Variants in CTNNA2 observed in about 807,000 individuals in gnomAD.
The protein encoded by CTNNA2 is catenin alpha-2.
In CTNNA2, 42 loss-of-function variants were observed where a neutral mutation model predicts 101.0. The ratio of observed to expected loss-of-function variants is 0.42; its 90% CI spans 0.32 to 0.54. The LOEUF (loss-of-function observed/expected upper bound fraction) is 0.54. Among genes scored for constraint, CTNNA2 ranks in the 20% least tolerant of loss-of-function variants. The pLI is 0.14. For synonymous variants in CTNNA2, 450 were observed against 456.4 expected (o/e 0.99, Z 0.18); for missense variants, 871 against 1,223.1 (o/e 0.71, Z 4.29).
chr2:80,647,018 C>T (rs1201226411), intron 18 of CTNNA2, among the ~76,000 whole-genome samples: 1 of 152,082 alleles, frequency 6.6e-6, no homozygotes, highest in Non-Finnish European at 1.5e-5. Context: ...GAGAAGGTCT[C>T]ACTGAATGCT....
Position 79,301,310 on chromosome 2 carries a change from G to GAT in CTNNA2, c.-405-11389_-405-11388dup, listed in dbSNP as rs148339882. On this transcript the variant is annotated intron_variant, in intron 2 of 21. Transcript: ENST00000466387. ...ATTTGCCACCCCTGGCATAGAATCTGATATATATATAACACAGTTTACAGA... is the reference window on the plus strand; with the variant it reads ...ATTTGCCACCCCTGGCATAGAATCTGATATATATATATAACACAGTTTACAGA... Among the ~76,000 whole-genome samples the GAT allele has an allele frequency of 1.1e-3, 172 of 152,172 alleles. 2 individuals carry two copies. In the East Asian group the frequency reaches 0.027, roughly 24 times the overall value.
chr2:79,746,599 T>G (rs1470393003), intron 3 of CTNNA2, among the ~76,000 whole-genome samples: 1 of 152,212 alleles, frequency 6.6e-6, no homozygotes, highest in Non-Finnish European at 1.5e-5. Flanking sequence ...TAGTCTATTG[T>G]AAAGTTTCCT....
chr2:80,177,266 G>A (rs181003666), intron 7 of CTNNA2, among the ~76,000 whole-genome samples: 10 of 152,260 alleles, frequency 6.6e-5, no homozygotes, highest in Admixed American at 2.0e-4. Context: ...GTGAGTCCAT[G>A]GATGGTAGTC....
rs12621530 is a variant in CTNNA2, at chr2:79,291,478, G to T, written c.-405-21231G>T. Among the ~76,000 whole-genome samples, 1,184 of 152,176 alleles carry T rather than the reference G, an allele frequency of 7.8e-3. 17 individuals carry two copies. The highest frequency in any genetic ancestry group is 0.063 in the East Asian group (325 of 5,176). On this transcript the variant is annotated intron_variant, in intron 2 of 21. Coordinates refer to the CTNNA2 transcript ENST00000466387. ...ATAACAGATAATCATTACTTATTTG[G>T]TATTTGGACCCCAAATTGCCAGGCA...
intron 18 of CTNNA2, among the ~76,000 whole-genome samples, chr2:80,639,699 T>C (rs1049723554): frequency 4.6e-5 from 7 of 152,234 alleles, no homozygotes; most frequent in African/African-American, 1.7e-4. Flanking sequence ...TTCTCCTTAA[T>C]GATTTCATTA....
chr2:80,099,265 G>T lies in CTNNA2; in HGVS notation c.1056+189468G>T, dbSNP rs1418849918. On this transcript the variant is annotated intron_variant, in intron 7 of 18. Coordinates refer to ENST00000402739, the MANE Select transcript of CTNNA2 (RefSeq NM_001282597.3). ...ACCAGTTTTACCATTTACTAGCTGA[G>T]TTTTTAGTAGCTTAGTTTTCTGGAC... is the stretch of plus-strand genomic sequence containing the variant. Among the ~76,000 whole-genome samples the T allele has an allele frequency of 2.6e-5, 4 of 151,998 alleles. No homozygotes were observed. In the East Asian group the frequency reaches 7.8e-4, roughly 29 times the overall value.
chr2:79,768,345 G>A (rs1039469641), intron 3 of CTNNA2, among the ~76,000 whole-genome samples: 5 of 151,098 alleles, frequency 3.3e-5, no homozygotes, highest in Non-Finnish European at 7.4e-5. Context: ...GATTGAAGGA[G>A]GCACTGTCTT....
At chr2:80,131,724 A>G (rs1182043819) in intron 7 of CTNNA2, among the ~76,000 whole-genome samples, 3 of 152,116 alleles carry the variant, frequency 2.0e-5, no homozygotes, top group African/African-American at 7.2e-5. Flanking sequence ...TTGTACATAC[A>G]TTCTCTCACA....
intron 9 of CTNNA2, among the ~76,000 whole-genome samples, chr2:80,451,407 G>T (rs1042025293): frequency 6.6e-6 from 1 of 152,040 alleles, no homozygotes; most frequent in African/African-American, 2.4e-5. Context: ...CTGCCATGAT[G>T]GTAAGTTTCC....
intron 2 of CTNNA2, among the ~76,000 whole-genome samples, chr2:79,253,341 T>G (rs1254762414): frequency 2.6e-5 from 4 of 152,210 alleles, no homozygotes; most frequent in Non-Finnish European, 5.9e-5. Context: ...CACAGGATTT[T>G]TATGTATTTG....
At chr2:79,990,580 A>G (rs1408086510) in intron 7 of CTNNA2, among the ~76,000 whole-genome samples, 5 of 152,222 alleles carry the variant, frequency 3.3e-5, no homozygotes, top group Admixed American at 3.3e-4. Context: ...ATAGGTATAA[A>G]TAATAGTAAA....
At chr2:79,857,763 C>T (rs999276399) in intron 3 of CTNNA2, among the ~76,000 whole-genome samples, 4 of 152,122 alleles carry the variant, frequency 2.6e-5, no homozygotes, top group African/African-American at 9.7e-5. Context: ...AAATATACTC[C>T]TTATTGATGT....
chr2:79,866,989 T>C (rs1039982368), intron 4 of CTNNA2, among the ~76,000 whole-genome samples: 3 of 152,160 alleles, frequency 2.0e-5, no homozygotes, highest in African/African-American at 4.8e-5. Context: ...TCTGACCTCA[T>C]AGCCCTCCTC....
chr2:80,190,040 T>G (rs952838766), intron 7 of CTNNA2, among the ~76,000 whole-genome samples: 1 of 152,040 alleles, frequency 6.6e-6, no homozygotes, highest in Non-Finnish European at 1.5e-5. Flanking sequence ...CTGATGCCTT[T>G]AAGGTCTGGT....
intron 3 of CTNNA2, among the ~76,000 whole-genome samples, chr2:79,759,833 C>T (rs535813557): frequency 1.5e-4 from 23 of 152,280 alleles, no homozygotes; most frequent in Admixed American, 1.4e-3. Context: ...AGCCCAAATA[C>T]AGCCTCTCTC....
rs1670740031 is a variant in CTNNA2, at chr2:79,734,653, G to A, written c.103-9734G>A. On this transcript the variant is annotated intron_variant, in intron 2 of 18. Coordinates refer to ENST00000402739, the MANE Select transcript of CTNNA2 (RefSeq NM_001282597.3). ...ATGCTTTTAAGAAAGCAAGATGAAT[G>A]TAGCACAAATAAGAGCCAGGATTGA... 2.0e-5 allele frequency among the ~76,000 whole-genome samples: 3 copies of A among 152,044 alleles called. No individual in the cohort carries two copies. In the South Asian group the frequency reaches 6.2e-4, roughly 31 times the overall value.
chr2:79,912,479 A>T (rs985989246), intron 7 of CTNNA2, among the ~76,000 whole-genome samples: 1 of 152,258 alleles, frequency 6.6e-6, no homozygotes, highest in African/African-American at 2.4e-5. Context: ...CAACTTGAAG[A>T]TGTCAACAGA....
chr2:79,217,936 C>A (rs542963288), intron 2 of CTNNA2, among the ~76,000 whole-genome samples: 8 of 152,276 alleles, frequency 5.3e-5, no homozygotes, highest in African/African-American at 1.9e-4. Context: ...GTACGGAGCA[C>A]ATGCTTAAAA....
chr2:79,683,675 T>G (rs1683737857), intron 2 of CTNNA2, among the ~76,000 whole-genome samples: 1 of 152,168 alleles, frequency 6.6e-6, no homozygotes, highest in African/African-American at 2.4e-5. Context: ...GTTAGTTCCC[T>G]TTGTTCACCT....
Sources: gnomAD v4.1 joint callset for allele counts (sites outside exome capture counted in the v4.1 genomes callset) on GRCh38, gnomAD v4.1.1 for gene constraint, MANE v1.5 for transcripts, NCBI Gene and HGNC (gene_info 2026-07-23, HGNC 2026-07-21) for gene names.